Variants in ESRRG observed in about 807,000 individuals in gnomAD.
ESRRG encodes the protein estrogen-related receptor gamma.
Under a neutral mutation model 44.0 loss-of-function variants are expected in ESRRG, and 13 were observed. That is an observed-to-expected ratio of 0.30 (90% CI 0.19 to 0.47). ESRRG has a LOEUF of 0.47. Ranked by LOEUF, ESRRG falls within the 20% of genes least tolerant of loss-of-function variation. ESRRG has a pLI of 1.00. For synonymous variants in ESRRG, 215 were observed against 214.6 expected, an observed-to-expected ratio of 1.00 and a Z score of -0.02; for missense variants, 395 against 580.6, an observed-to-expected ratio of 0.68 and a Z score of 3.29.
chr1:216,524,428 C>T (rs1003716597), intron 5 of ESRRG, among the ~76,000 whole-genome samples: 1 of 151,328 alleles, frequency 6.6e-6, no homozygotes, highest in Non-Finnish European at 1.5e-5. Flanking sequence ...TAAAATTTTT[C>T]TTTAAAAGAG....
chr1:216,634,735 G>T (rs1383862171), intron 3 of ESRRG, among the ~76,000 whole-genome samples: 1 of 152,144 alleles, frequency 6.6e-6, no homozygotes, highest in Non-Finnish European at 1.5e-5. Flanking sequence ...AGACAGGGGC[G>T]TGGATACATT....
At chr1:216,818,449 G>C (rs567485460) in intron 2 of ESRRG, among the ~76,000 whole-genome samples, 1 of 152,222 alleles carries the variant, frequency 6.6e-6, no homozygotes, top group South Asian at 2.1e-4. Flanking sequence ...ACTTCTGGAG[G>C]GCACTTGACA....
intron 1 of ESRRG, among the ~76,000 whole-genome samples, chr1:217,020,544 C>T (rs527513353): frequency 1.8e-4 from 27 of 152,224 alleles, no homozygotes; most frequent in African/African-American, 6.5e-4. Context: ...GGAGAAATGA[C>T]CAGTATCTTC....
At chr1:216,549,683 A>G (rs2055671590) in intron 5 of ESRRG, among the ~76,000 whole-genome samples, 1 of 152,166 alleles carries the variant, frequency 6.6e-6, no homozygotes, top group African/African-American at 2.4e-5. Context: ...ACGTCTTCAC[A>G]GAGAATGGCT....
chr1:217,017,478 CAAAA>C (rs55820027), intron 1 of ESRRG, among the ~76,000 whole-genome samples: 2 of 82,484 alleles, frequency 2.4e-5, no homozygotes, highest in African/African-American at 4.5e-5. Context: ...CTACATAACT[CAAAA>C]AAAAAAAAAA....
rs183425616 is a variant in ESRRG, at chr1:216,729,613, T to C, written c.-13-52122A>G. On this transcript the variant is annotated intron_variant, in intron 2 of 7. Transcript: ENST00000359162. Reference sequence around the variant, plus strand: ...TGTTCCCCTTAAAGTTACCATGATGTTTTCTGCGTGGGGATGAGGAAAACA... The same window carrying C: ...TGTTCCCCTTAAAGTTACCATGATGCTTTCTGCGTGGGGATGAGGAAAACA... 2.0e-5 allele frequency among the ~76,000 whole-genome samples: 3 copies of C among 152,292 alleles called. No individual in the cohort carries two copies. The East Asian group carries it at 5.8e-4, about 29-fold the overall frequency.
intron 1 of ESRRG, among the ~76,000 whole-genome samples, chr1:216,709,216 TA>T (rs964112440): frequency 3.0e-4 from 46 of 151,494 alleles, no homozygotes; most frequent in Admixed American, 2.6e-3. Context: ...AAGTATAATT[TA>T]AAAAAAAGAA....
chr1:217,105,244 G>C (rs985205976), intron 1 of ESRRG, among the ~76,000 whole-genome samples: 1 of 152,158 alleles, frequency 6.6e-6, no homozygotes, highest in Non-Finnish European at 1.5e-5. Flanking sequence ...TCCCCATTTA[G>C]CTCTAGGCAT....
At chr1:216,594,999 T>C (rs979490649) in intron 3 of ESRRG, among the ~76,000 whole-genome samples, 1 of 152,160 alleles carries the variant, frequency 6.6e-6, no homozygotes, top group African/African-American at 2.4e-5. Context: ...CTGCAGAAAG[T>C]AGACTATGGC....
intron 1 of ESRRG, among the ~76,000 whole-genome samples, chr1:216,959,303 TTAAC>T (rs1422089594): frequency 6.6e-6 from 1 of 151,126 alleles, no homozygotes; most frequent in African/African-American, 2.4e-5. Context: ...ATTTTAGTCT[TTAAC>T]TATATTTTAA....
chr1:216,762,402 G>A (rs2092829641), intron 2 of ESRRG, among the ~76,000 whole-genome samples: 1 of 151,914 alleles, frequency 6.6e-6, no homozygotes, highest in Non-Finnish European at 1.5e-5. Context: ...CATGTCCTTT[G>A]TAGGGACATG....
At chr1:216,833,056 C>A (rs2095511232) in intron 2 of ESRRG, among the ~76,000 whole-genome samples, 1 of 151,636 alleles carries the variant, frequency 6.6e-6, no homozygotes, top group Non-Finnish European at 1.5e-5. Flanking sequence ...CCAAAATTCT[C>A]CAAGATTTAG....
intron 3 of ESRRG, among the ~76,000 whole-genome samples, chr1:216,589,903 CAAAAAAAAA>C (rs58458686): frequency 2.8e-3 from 89 of 32,248 alleles, no homozygotes; most frequent in African/African-American, 0.011. Context: ...AACTCTGTCT[CAAAAAAAAA>C]AAAAAAAAAA....
At chr1:216,609,017 TTTCACC>T (rs1017989098) in intron 3 of ESRRG, among the ~76,000 whole-genome samples, 1 of 152,236 alleles carries the variant, frequency 6.6e-6, no homozygotes, top group Non-Finnish European at 1.5e-5. Flanking sequence ...TTGAATTTTC[TTTCACC>T]TTCTCTTTTG....
intron 1 of ESRRG, among the ~76,000 whole-genome samples, chr1:216,997,262 G>C (rs2076481833): frequency 6.6e-6 from 1 of 152,162 alleles, no homozygotes; most frequent in South Asian, 2.1e-4. Flanking sequence ...TCGGTATAAT[G>C]AGCCCCTCTT....
Position 216,960,370 on chromosome 1 carries a change from A to C in ESRRG, c.-105-20697T>G, listed in dbSNP as rs1041525717. ...CCCTTCCTCAATTCCATTCAGCTGCATTCCTCACCAGAAGTAAACACCACC... is the reference window on the plus strand; with the variant it reads ...CCCTTCCTCAATTCCATTCAGCTGCCTTCCTCACCAGAAGTAAACACCACC... On this transcript the variant is annotated intron_variant, in intron 1 of 7. Coordinates refer to the ESRRG transcript ENST00000359162. Among the ~76,000 whole-genome samples the C allele has an allele frequency of 3.3e-5, 5 of 152,194 alleles. No homozygotes were observed. The East Asian group carries it at 9.6e-4, about 29-fold the overall frequency.
chr1:216,543,321 C>A (rs981140125), intron 5 of ESRRG, among the ~76,000 whole-genome samples: 2 of 151,976 alleles, frequency 1.3e-5, no homozygotes, highest in Non-Finnish European at 2.9e-5. Flanking sequence ...TTTCTATCAT[C>A]ATTAAAAAAG....
At chr1:217,110,645 G>A (rs1352943882) in intron 1 of ESRRG, among the ~76,000 whole-genome samples, 1 of 152,084 alleles carries the variant, frequency 6.6e-6, no homozygotes, top group African/African-American at 2.4e-5. Flanking sequence ...AGAGAGAATG[G>A]AGGATGAGGT....
chr1:216,896,083 C>T lies in ESRRG; in HGVS notation c.-14+43499G>A, dbSNP rs982098926. ...ATGATTGATTTCTTACATTACATCA[C>T]GACAAATGACATATACACAAATTCT... is the stretch of plus-strand genomic sequence containing the variant. On this transcript the variant is annotated intron_variant, in intron 2 of 7. Coordinates refer to the ESRRG transcript ENST00000359162. 7.2e-5 allele frequency among the ~76,000 whole-genome samples: 11 copies of T among 152,088 alleles called. No individual in the cohort carries two copies. The South Asian group carries it at 1.0e-3, about 14-fold the overall frequency.
Sources: gnomAD v4.1 joint callset for allele counts (sites outside exome capture counted in the v4.1 genomes callset) on GRCh38, gnomAD v4.1.1 for gene constraint, MANE v1.5 for transcripts, NCBI Gene and HGNC (gene_info 2026-07-23, HGNC 2026-07-21) for gene names.